The following TECRL variants were observed in gnomAD, a reference collection of about 807,000 sequenced individuals.
The protein encoded by TECRL is trans-2,3-enoyl-CoA reductase-like.
A neutral mutation model predicts 52.8 loss-of-function variants in TECRL; 63 were observed. The observed-to-expected ratio is 1.19, with a 90% confidence interval of 0.97 to 1.47. The LOEUF (loss-of-function observed/expected upper bound fraction) is 1.47. TECRL is among the 40% of genes most tolerant of loss of function. The probability of loss-of-function intolerance (pLI) is 0.00; values close to 1 mark genes in which losing one functional copy is unlikely to be tolerated. For missense variants in TECRL, 482 were observed against 429.6 expected (o/e 1.12, Z -1.08); for synonymous variants, 164 against 141.9 (o/e 1.16, Z -1.10).
At chr4:64,380,510 T>A in intron 1 of TECRL, among the ~76,000 whole-genome samples, 1 of 152,068 alleles carries the variant, frequency 6.6e-6, no homozygotes, top group East Asian at 1.9e-4. Flanking sequence ...TCCTATGTTT[T>A]CTTTTAGCAG....
chr4:64,337,578 G>A (rs2110065324), intron 2 of TECRL, among the ~76,000 whole-genome samples: 1 of 152,282 alleles, frequency 6.6e-6, no homozygotes, highest in East Asian at 1.9e-4. Flanking sequence ...CTTCAGCAAA[G>A]TCTCAGGATA....
intron 1 of TECRL, among the ~76,000 whole-genome samples, chr4:64,392,169 A>C (rs1460323054): frequency 6.6e-6 from 1 of 151,938 alleles, no homozygotes; most frequent in Non-Finnish European, 1.5e-5. Context: ...AAAGGTAATT[A>C]AATTAGGTTA....
At chr4:64,357,006 T>C (rs899135414) in intron 2 of TECRL, among the ~76,000 whole-genome samples, 1 of 152,168 alleles carries the variant, frequency 6.6e-6, no homozygotes, top group Non-Finnish European at 1.5e-5. Flanking sequence ...TATATGTTTA[T>C]TTTATGACAA....
intron 2 of TECRL, among the ~76,000 whole-genome samples, chr4:64,332,940 T>TA (rs768967212): frequency 6.6e-6 from 1 of 152,094 alleles, no homozygotes; most frequent in Non-Finnish European, 1.5e-5. Context: ...TATTGAATGA[T>TA]ATGATGGCTG....
At chr4:64,404,198 A>T (rs988130407) in intron 1 of TECRL, among the ~76,000 whole-genome samples, 1 of 150,186 alleles carries the variant, frequency 6.7e-6, no homozygotes, top group African/African-American at 2.5e-5. Context: ...AGAAATATTT[A>T]AAAAGCTTTT....
At chr4:64,381,433 G>C (rs1439177577) in intron 1 of TECRL, among the ~76,000 whole-genome samples, 4 of 148,816 alleles carry the variant, frequency 2.7e-5, no homozygotes, top group Non-Finnish European at 1.5e-5. Context: ...GTACTATGTT[G>C]AATAAGAATG....
rs528652736 is a variant in TECRL at position 64,375,084 on chromosome 4, C to G, written c.286+88G>C. ...TGTAGAACTATGGTTTTCATACACT[C>G]TAACATATATTGCACTTATAGAAAA... On this transcript the variant is annotated intron_variant, in intron 2 of 11. Transcript: ENST00000381210. 1.6e-4 allele frequency: 93 copies of G among 571,582 alleles called. No individual in the cohort carries two copies. In the African/African-American group the frequency reaches 1.8e-3, roughly 11 times the overall value. 35.4% of individuals were successfully genotyped at this position (571,582 alleles called of 1,614,324 possible).
chr4:64,409,224 G>A lies in TECRL; in HGVS notation c.128C>T (p.Ala43Val). 3.7e-6 allele frequency: 6 copies of A among 1,607,580 alleles called. 1 individual carries two copies. The Middle Eastern group carries it at 1.0e-3, about 267-fold the overall frequency. ...TGCTGGAGTTGGTCTTAGAGGGCCC[G>A]CTGAGAGTACAAGTTTTGACAAAAA... ...FHFLSKLVLS[A>V]GPLRPTPAVK... Residue 43 changes from alanine to valine, a missense_variant, in exon 1 of 12, where the codon GCG (alanine) becomes GTG (valine). Transcript: ENST00000381210.
At chr4:64,348,366 A>G (rs926570517) in intron 2 of TECRL, among the ~76,000 whole-genome samples, 1 of 152,158 alleles carries the variant, frequency 6.6e-6, no homozygotes, top group African/African-American at 2.4e-5. Flanking sequence ...AAGCACCCCC[A>G]GGATCCTATC....
chr4:64,394,907 A>ATTTTTTTTTTT, intron 1 of TECRL, among the ~76,000 whole-genome samples: 1 of 105,116 alleles, frequency 9.5e-6, no homozygotes, highest in Non-Finnish European at 1.8e-5. Context: ...ATTAACAAGC[A>ATTTTTTTTTTT]TTTTTTTTTT....
intron 8 of TECRL, among the ~76,000 whole-genome samples, chr4:64,298,408 T>C (rs1355289356): frequency 2.0e-5 from 3 of 151,176 alleles, no homozygotes; most frequent in Non-Finnish European, 4.5e-5. Context: ...AAGCAGAATT[T>C]TTAAGTCTCT....
chr4:64,287,745 T>C (rs750705634), intron 9 of TECRL, among the ~76,000 whole-genome samples: 2 of 152,228 alleles, frequency 1.3e-5, no homozygotes, highest in Non-Finnish European at 2.9e-5. Context: ...TCTCACTTTA[T>C]GTTTTTTGCT....
intron 4 of TECRL, 54 bp from the exon 5 acceptor site, chr4:64,314,817 T>C (rs1335049131): frequency 7.7e-7 from 1 of 1,291,272 alleles, no homozygotes; most frequent in African/African-American, 1.5e-5. Flanking sequence ...TTTTTAAGGT[T>C]CATTTGTGTC....
intron 2 of TECRL, among the ~76,000 whole-genome samples, chr4:64,360,598 T>G (rs1319864140): frequency 2.0e-5 from 3 of 151,956 alleles, no homozygotes; most frequent in Admixed American, 6.6e-5. Context: ...TCAAGTAGAT[T>G]AGCACACTAT....
At chr4:64,394,662 A>C (rs1203274504) in intron 1 of TECRL, among the ~76,000 whole-genome samples, 1 of 152,186 alleles carries the variant, frequency 6.6e-6, no homozygotes, top group Non-Finnish European at 1.5e-5. Flanking sequence ...GAGTGTTTCC[A>C]TACTTGTCCT....
intron 2 of TECRL, among the ~76,000 whole-genome samples, chr4:64,338,764 A>G (rs914119526): frequency 4.6e-5 from 7 of 152,366 alleles, no homozygotes; most frequent in Admixed American, 2.0e-4. Flanking sequence ...AATGGAGATC[A>G]TTAAAAAGTC....
chr4:64,365,077 T>A (rs781178251), intron 2 of TECRL, among the ~76,000 whole-genome samples: 1 of 152,046 alleles, frequency 6.6e-6, no homozygotes. Flanking sequence ...CACAGGATAT[T>A]GAACAGGTGG....
chr4:64,288,373 C>G (rs2109942220), intron 9 of TECRL, among the ~76,000 whole-genome samples: 2 of 152,204 alleles, frequency 1.3e-5, no homozygotes, highest in African/African-American at 4.8e-5. Context: ...CTCTTAACAA[C>G]TACAGGAGAA....
At chr4:64,367,266 G>C (rs71610746) in intron 2 of TECRL, among the ~76,000 whole-genome samples, 5 of 151,916 alleles carry the variant, frequency 3.3e-5, no homozygotes, top group African/African-American at 1.2e-4. Context: ...GTGAGGGTCA[G>C]AAAACTACCT....
Sources: allele counts gnomAD v4.1 joint callset (sites outside exome capture counted in the v4.1 genomes callset), GRCh38; gene constraint gnomAD v4.1.1; transcripts MANE v1.5; gene names NCBI Gene and HGNC (gene_info 2026-07-23, HGNC 2026-07-21).